The following ANXA5 variants were observed in gnomAD, a reference collection of about 807,000 sequenced individuals.
ANXA5 encodes CBP-I.
In ANXA5, 40 loss-of-function variants were observed where a neutral mutation model predicts 48.1. The ratio of observed to expected loss-of-function variants is 0.83; its 90% confidence interval spans 0.65 to 1.08. The LOEUF (loss-of-function observed/expected upper bound fraction) is 1.08. Ranked by LOEUF, ANXA5 falls within the 50% of genes least tolerant of loss-of-function variation. ANXA5 has a pLI of 0.00. For missense variants in ANXA5, 357 were observed against 376.8 expected (o/e 0.95, Z 0.44); for synonymous variants, 113 against 129.1 (o/e 0.88, Z 0.85).
intron 5 of ANXA5, among the ~76,000 whole-genome samples, chr4:121,682,680 C>A (rs1316338948): frequency 6.6e-6 from 1 of 152,172 alleles, no homozygotes; most frequent in African/African-American, 2.4e-5. Flanking sequence ...CCTCTCTCCA[C>A]TCCATCAGTA....
At chr4:121,687,808 C>T (rs1468885185) in intron 2 of ANXA5, among the ~76,000 whole-genome samples, 1 of 152,184 alleles carries the variant, frequency 6.6e-6, no homozygotes, top group Non-Finnish European at 1.5e-5. Flanking sequence ...TTTGACCACA[C>T]TTTGAAGAGG....
chr4:121,682,444 T>C (rs1724809684), intron 5 of ANXA5, among the ~76,000 whole-genome samples: 1 of 152,152 alleles, frequency 6.6e-6, no homozygotes, highest in African/African-American at 2.4e-5. Flanking sequence ...AGATAGTATA[T>C]TGAAGCCTTA....
intron 8 of ANXA5, among the ~76,000 whole-genome samples, chr4:121,677,332 T>C (rs939370812): frequency 6.6e-6 from 1 of 152,180 alleles, no homozygotes; most frequent in East Asian, 1.9e-4. Flanking sequence ...TTAATAACTG[T>C]TTTATTAACC....
At chr4:121,686,228 A>T in intron 3 of ANXA5, 60 bp downstream of exon 3, 7 of 1,247,484 alleles carry the variant, frequency 5.6e-6, no homozygotes, top group Non-Finnish European at 8.2e-6. Flanking sequence ...TACTGTAATT[A>T]ATGACTTGTT....
chr4:121,671,975 G>A (rs954911857), intron 9 of ANXA5, among the ~76,000 whole-genome samples: 5 of 152,104 alleles, frequency 3.3e-5, no homozygotes, highest in South Asian at 2.1e-4. Context: ...CTGTGAAATG[G>A]TTAAGTTTGG....
At chr4:121,668,576 G>GA in intron 12 of ANXA5, 49 bp from the exon 13 acceptor site, 2 of 1,566,872 alleles carry the variant, frequency 1.3e-6, no homozygotes, top group Non-Finnish European at 1.8e-6. Flanking sequence ...AGAAGCCATA[G>GA]AAAATTTTAA....
In ANXA5 at chr4:121,683,352, C is replaced by T. The variant is rs1724824170; in HGVS notation, c.303+12G>A. On this transcript the variant is annotated intron_variant, in intron 5 of 12. Transcript: ENST00000296511. ...TCTATGCAAGAATGTTCCTTTCACTCATCCTTTTTACCTTCAAGGCATGTT... is the reference window on the plus strand; with the variant it reads ...TCTATGCAAGAATGTTCCTTTCACTTATCCTTTTTACCTTCAAGGCATGTT... 6.6e-7 allele frequency: 1 copy of T among 1,513,688 alleles called. No homozygotes were observed. The highest frequency in any genetic ancestry group is 9.1e-7 in the Non-Finnish European group (1 of 1,097,778). 93.8% of individuals were successfully genotyped at this position (1,513,688 alleles called of 1,614,324 possible).
At chr4:121,691,852 A>C (rs1395313696) in intron 2 of ANXA5, among the ~76,000 whole-genome samples, 1 of 152,212 alleles carries the variant, frequency 6.6e-6, no homozygotes, top group Admixed American at 6.5e-5. Flanking sequence ...AAAAATAAGA[A>C]GGGCATAAAA....
intron 8 of ANXA5, among the ~76,000 whole-genome samples, chr4:121,673,464 C>T (rs1724644879): frequency 6.6e-6 from 1 of 152,128 alleles, no homozygotes; most frequent in African/African-American, 2.4e-5. Flanking sequence ...GCTGAGGCTG[C>T]TACTTGCAGT....
At chr4:121,686,833 A>C (rs1048229876) in intron 2 of ANXA5, among the ~76,000 whole-genome samples, 1 of 152,200 alleles carries the variant, frequency 6.6e-6, no homozygotes, top group African/African-American at 2.4e-5. Flanking sequence ...TAGGGACTTT[A>C]CGATAACCCA....
intron 2 of ANXA5, among the ~76,000 whole-genome samples, chr4:121,694,090 G>A (rs868423921): frequency 1.4e-4 from 15 of 110,584 alleles, no homozygotes; most frequent in Non-Finnish European, 8.9e-5. Context: ...CCACACCGGG[G>A]CCTATTGTGG....
At chr4:121,673,749 G>A (rs1243309477) in intron 8 of ANXA5, among the ~76,000 whole-genome samples, 3 of 152,146 alleles carry the variant, frequency 2.0e-5, no homozygotes. Flanking sequence ...AACTCTGAAA[G>A]TCATGCATGC....
intron 4 of ANXA5, among the ~76,000 whole-genome samples, chr4:121,683,755 A>G (rs966412220): frequency 9.2e-5 from 14 of 152,234 alleles, no homozygotes; most frequent in African/African-American, 3.4e-4. Context: ...AAAGTAGTCT[A>G]AAACTATTTT....
At chr4:121,670,247 A>T (rs1174684182) in intron 10 of ANXA5, among the ~76,000 whole-genome samples, 1 of 152,200 alleles carries the variant, frequency 6.6e-6, no homozygotes, top group Non-Finnish European at 1.5e-5. Context: ...ATGGAGAATA[A>T]GGGCACAGGT....
intron 8 of ANXA5, among the ~76,000 whole-genome samples, chr4:121,674,642 G>A (rs1724669390): frequency 6.6e-6 from 1 of 152,056 alleles, no homozygotes; most frequent in Non-Finnish European, 1.5e-5. Flanking sequence ...AATTTTCTTG[G>A]GAGAATTATG....
At chr4:121,669,074 A>G (rs1489408386) in intron 12 of ANXA5, among the ~76,000 whole-genome samples, 1 of 152,034 alleles carries the variant, frequency 6.6e-6, no homozygotes, top group South Asian at 2.1e-4. Flanking sequence ...AAAAAAGTCA[A>G]AAGACTTTAA....
intron 6 of ANXA5, among the ~76,000 whole-genome samples, chr4:121,679,837 T>G (rs1345052306): frequency 1.3e-5 from 2 of 152,174 alleles, no homozygotes; most frequent in Non-Finnish European, 2.9e-5. Flanking sequence ...ATTACCACAA[T>G]CAAGTTAATC....
rs928128305 is a variant in ANXA5, at chr4:121,678,112, T to C, written c.475-162A>G. On this transcript the variant is annotated intron_variant, in intron 7 of 12. Transcript: ENST00000296511. ...ATTTCACGTTATCATCACCCAGCAC[T>C]GTCCAAAACCAATAATGACCCTACT... The C allele has an allele frequency of 2.0e-5, 13 of 643,486 alleles. No homozygotes were observed. The Admixed American group carries it at 2.3e-4, about 11-fold the overall frequency. 39.9% of individuals were successfully genotyped at this position (643,486 alleles called of 1,614,324 possible).
At chr4:121,679,254 G>A (rs982716275) in intron 6 of ANXA5, among the ~76,000 whole-genome samples, 3 of 152,148 alleles carry the variant, frequency 2.0e-5, no homozygotes, top group African/African-American at 7.2e-5. Context: ...AAACCTTGTA[G>A]GAATCTTTAA....
Sources: allele counts gnomAD v4.1 joint callset (sites outside exome capture counted in the v4.1 genomes callset), GRCh38; gene constraint gnomAD v4.1.1; transcripts MANE v1.5; gene names NCBI Gene and HGNC (gene_info 2026-07-23, HGNC 2026-07-21).